The following NAV1 variants were observed in gnomAD, a reference collection of about 807,000 sequenced individuals.
NAV1 encodes the protein pore membrane and/or filament interacting like protein 3.
A neutral mutation model predicts 175.2 loss-of-function variants in NAV1; 18 were observed. That is an observed-to-expected ratio of 0.10 (90% CI 0.07 to 0.15). The LOEUF (loss-of-function observed/expected upper bound fraction) is 0.15, where lower values mean the gene tolerates loss of function less well. Ranked by LOEUF, NAV1 falls within the 10% of genes least tolerant of loss-of-function variation. NAV1 has a pLI of 1.00. For synonymous variants in NAV1, 897 were observed against 978.7 expected, an observed-to-expected ratio of 0.92 and a Z score of 1.56; for missense variants, 1,731 against 2,436.6, an observed-to-expected ratio of 0.71 and a Z score of 6.10.
chr1:201,614,016 C>G (rs12082149), intron 2 of NAV1, among the ~76,000 whole-genome samples: 35,745 of 129,266 alleles, frequency 0.28, 4,988 homozygotes, highest in African/African-American at 0.43. Flanking sequence ...ATTTGTACAA[C>G]GGTCTGAGGG....
intron 1 of NAV1, among the ~76,000 whole-genome samples, chr1:201,659,229 G>T (rs375509543): frequency 1.3e-5 from 2 of 152,240 alleles, no homozygotes; most frequent in East Asian, 3.8e-4. Context: ...GTGGTGCCAC[G>T]TACTAGCTCT....
chr1:201,648,679 G>A, exon 1 of NAV1: 2 of 1,416,782 alleles, frequency 1.4e-6, no homozygotes, highest in Non-Finnish European at 9.2e-7. Context: ...ATGCTGGGCA[G>A]CAGCGTCAAG....
upstream of NAV1, among the ~76,000 whole-genome samples, chr1:201,622,300 G>A (rs896055797): frequency 2.0e-5 from 3 of 152,204 alleles, no homozygotes; most frequent in African/African-American, 7.2e-5. Context: ...TTATGATCTG[G>A]GGGGACTGTG....
intron 1 of NAV1, chr1:201,673,102 C>T (rs1670107291): frequency 6.6e-6 from 1 of 152,254 alleles, no homozygotes; most frequent in Non-Finnish European, 1.5e-5. Flanking sequence ...TTAATCTACA[C>T]TCTTGCTGTT....
At chr1:201,767,217 G>A (rs1675263050) in intron 3 of NAV1, among the ~76,000 whole-genome samples, 1 of 151,860 alleles carries the variant, frequency 6.6e-6, no homozygotes, top group South Asian at 2.1e-4. Context: ...ACTTTGGGAG[G>A]CTGAATGAGC....
chr1:201,788,465 C>T lies in NAV1; in HGVS notation c.2996-3C>T. ...CCTGTCCCCCTTCCCTCTGTCCTTC[C>T]AGTGAGTCCCACTGCGGCCACCACG... On this transcript the variant is annotated splice_polypyrimidine_tract_variant and splice_region_variant and intron_variant, in intron 9 of 29. Coordinates refer to ENST00000367296, the Ensembl canonical transcript of NAV1. The surrounding 1 kb of genome is among the most constrained non-coding windows in gnomAD (Gnocchi z 5.7). 3 of 1,613,994 alleles carry T rather than the reference C, an allele frequency of 1.9e-6. No individual in the cohort carries two copies. Among genetic ancestry groups the T allele is most frequent in the Non-Finnish European group, 2.5e-6 (3 of 1,179,990 alleles).
At chr1:201,768,689 T>C (rs1675371912) in intron 3 of NAV1, among the ~76,000 whole-genome samples, 1 of 151,068 alleles carries the variant, frequency 6.6e-6, no homozygotes, top group African/African-American at 2.4e-5. Context: ...CACAGTTTTG[T>C]AGCAAACAAG....
At chr1:201,764,941 A>G (rs977132243) in intron 3 of NAV1, among the ~76,000 whole-genome samples, 4 of 152,242 alleles carry the variant, frequency 2.6e-5, no homozygotes, top group African/African-American at 9.6e-5. Context: ...GGTTCTGCCT[A>G]GGTCTGGACC....
upstream of NAV1, among the ~76,000 whole-genome samples, chr1:201,643,758 C>T (rs2819391): frequency 0.013 from 1,925 of 152,176 alleles, 37 homozygotes; most frequent in African/African-American, 0.044. Context: ...AGCCTTCCCA[C>T]CCTCTCCTCT....
intron 1 of NAV1, among the ~76,000 whole-genome samples, chr1:201,561,197 G>T (rs567370869): frequency 6.6e-6 from 1 of 152,354 alleles, no homozygotes; most frequent in East Asian, 1.9e-4. Context: ...AAGGGACAGA[G>T]TCGGCAGTCC....
chr1:201,714,803 A>G (rs1672066888), intron 2 of NAV1, among the ~76,000 whole-genome samples: 1 of 152,134 alleles, frequency 6.6e-6, no homozygotes, highest in Non-Finnish European at 1.5e-5. Flanking sequence ...CAAATGACTC[A>G]CTCACAGGAG....
chr1:201,670,267 T>C (rs1669986788), intron 1 of NAV1, among the ~76,000 whole-genome samples: 1 of 147,036 alleles, frequency 6.8e-6, no homozygotes, highest in Non-Finnish European at 1.5e-5. Flanking sequence ...GTAGTCCCAG[T>C]AACTCGGAGA....
At chr1:201,648,568 CCCTCCTCCTCCCCCG>C (rs1258620279) in exon 1 of NAV1, 3 of 1,261,448 alleles carry the variant, frequency 2.4e-6, no homozygotes, top group African/African-American at 1.6e-5. Context: ...CTCTCTCTCC[CCCTCCTCCTCCCCCG>C]CCTCCTCCTC....
rs1208563313 is a variant in NAV1 at position 201,750,299 on chromosome 1, G to A, written c.1227-30122G>A. On this transcript the variant is annotated intron_variant, in intron 3 of 29. Transcript: ENST00000367296. This position sits in a 1 kb window ranked among gnomAD's most constrained non-coding sequence, Gnocchi z 4.1. ...CCAAAGCAGAAAAACACCCATTTGC[G>A]TGGATGACTTGGTGCATCAGTGATA... Among the ~76,000 whole-genome samples, 3 of 152,160 alleles carry A rather than the reference G, an allele frequency of 2.0e-5. No homozygotes were observed. Among genetic ancestry groups the A allele is most frequent in the Non-Finnish European group, 2.9e-5 (2 of 68,026 alleles).
chr1:201,650,638 C>A (rs947467059), intron 1 of NAV1, among the ~76,000 whole-genome samples: 3 of 152,190 alleles, frequency 2.0e-5, no homozygotes, highest in African/African-American at 7.2e-5. Flanking sequence ...CTGGAGAATG[C>A]GAAGCCGGAG....
chr1:201,793,494 G>T, intron 13 of NAV1: 2 of 353,262 alleles, frequency 5.7e-6, no homozygotes, highest in South Asian at 2.9e-5. Context: ...AGAGCAGAGG[G>T]ATAGTCCTAC....
In NAV1 at chr1:201,787,631, T is replaced by A. The variant is rs1201920331; in HGVS notation, c.2996-837T>A. On this transcript the variant is annotated intron_variant, in intron 9 of 29. Transcript: ENST00000367296. This position sits in a 1 kb window ranked among gnomAD's most constrained non-coding sequence, Gnocchi z 4.3. The stretch of plus-strand genomic sequence containing the variant: ...GAATTTGAAAAGGTCAACAGAGAGG[T>A]GTGCCATCTTCTTCTGCACAGGTCT... 2.2e-6 allele frequency: 1 copy of A among 455,798 alleles called. No individual in the cohort carries two copies. Among genetic ancestry groups the A allele is most frequent in the Non-Finnish European group, 4.4e-6 (1 of 226,838 alleles). 28.2% of individuals were successfully genotyped at this position (455,798 alleles called of 1,614,324 possible). A position where few individuals can be genotyped will look rare whatever the true frequency, so the allele number is the denominator to read the frequency against.
intron 1 of NAV1, among the ~76,000 whole-genome samples, chr1:201,583,843 TGGG>T (rs1489127732): frequency 6.6e-6 from 1 of 152,158 alleles, no homozygotes; most frequent in Non-Finnish European, 1.5e-5. Context: ...TGCTGGTGCC[TGGG>T]GGAGAGGAGC....
intron 7 of NAV1, among the ~76,000 whole-genome samples, chr1:201,784,203 G>A (rs902766421): frequency 2.6e-5 from 4 of 152,292 alleles, no homozygotes; most frequent in African/African-American, 9.6e-5. Flanking sequence ...TGTTGCCCAG[G>A]CTGGAGTGCA....
Sources: gnomAD v4.1 joint callset for allele counts (sites outside exome capture counted in the v4.1 genomes callset) on GRCh38, gnomAD v4.1.1 for gene constraint, Gnocchi (gnomAD v3.1) non-coding constraint, MANE v1.5 for transcripts, NCBI Gene and HGNC (gene_info 2026-07-23, HGNC 2026-07-21) for gene names.